The following CEBPZ variants were observed in gnomAD, a reference collection of about 807,000 sequenced individuals.
CEBPZ encodes CCAAT/enhancer-binding protein zeta.
A neutral mutation model predicts 104.5 loss-of-function variants in CEBPZ; 78 were observed. The observed-to-expected ratio is 0.75, with a 90% CI of 0.62 to 0.90. The LOEUF (loss-of-function observed/expected upper bound fraction) is 0.90. CEBPZ is among the 40% of genes least tolerant of loss of function. CEBPZ has a pLI of 0.00. For missense variants in CEBPZ, 1,439 were observed against 1,233.5 expected (o/e 1.17, Z -2.50); for synonymous variants, 470 against 427.0 (o/e 1.10, Z -1.24).
At chr2:37,216,716 GGAAA>G (rs1366951647) in intron 6 of CEBPZ, among the ~76,000 whole-genome samples, 1 of 152,132 alleles carries the variant, frequency 6.6e-6, no homozygotes, top group East Asian at 1.9e-4. Context: ...ACAGCAAATG[GGAAA>G]GTGAGGCAGT....
chr2:37,220,788 C>T (rs1486669308), intron 4 of CEBPZ, among the ~76,000 whole-genome samples: 2 of 151,950 alleles, frequency 1.3e-5, no homozygotes, highest in Non-Finnish European at 2.9e-5. Flanking sequence ...TTCAGGAGTT[C>T]GAGACCAGCC....
intron 13 of CEBPZ, among the ~76,000 whole-genome samples, chr2:37,207,659 A>G (rs1194208188): frequency 6.6e-6 from 1 of 152,194 alleles, no homozygotes; most frequent in Non-Finnish European, 1.5e-5. Context: ...GCGGCACTAC[A>G]TTTAGTAAGT....
chr2:37,218,952 A>G (rs147138515), intron 5 of CEBPZ, among the ~76,000 whole-genome samples: 325 of 152,348 alleles, frequency 2.1e-3, no homozygotes, highest in African/African-American at 7.1e-3. Context: ...ACATTTCGTT[A>G]TACTTTACCA....
chr2:37,216,775 G>A (rs929138895), intron 6 of CEBPZ, among the ~76,000 whole-genome samples: 2 of 152,304 alleles, frequency 1.3e-5, no homozygotes, highest in Admixed American at 6.5e-5. Context: ...AAATAACTGC[G>A]TGGCTTTCAA....
At chr2:37,220,155 A>G (rs915309512) in intron 5 of CEBPZ, among the ~76,000 whole-genome samples, 3 of 151,874 alleles carry the variant, frequency 2.0e-5, no homozygotes, top group Non-Finnish European at 4.4e-5. Context: ...CGTCTCTACT[A>G]AAAATACAAA....
At chr2:37,210,221 G>C (rs1677677132) in intron 13 of CEBPZ, 1 of 152,144 alleles carries the variant, frequency 6.6e-6, no homozygotes, top group African/African-American at 2.4e-5. Context: ...AGTATGGAGA[G>C]TCCTTAAAGA....
chr2:37,231,580 A>G lies in CEBPZ; in HGVS notation c.-13T>C, dbSNP rs2148370154. 2.5e-6 allele frequency: 4 copies of G among 1,614,222 alleles called. No homozygotes were observed. The highest frequency in any genetic ancestry group is 3.4e-6 in the Non-Finnish European group (4 of 1,180,034). ...TGACTGCGGCCATGGCGGGCAAAGC[A>G]TACGCGCGTGAAACTCAGCCTATTT... On this transcript the variant is annotated 5_prime_UTR_variant, in exon 1 of 16. It removes an upstream start codon present in the reference 5' UTR. Coordinates refer to ENST00000234170, the MANE Select transcript of CEBPZ (RefSeq NM_005760.3).
chr2:37,231,547 A>T lies in CEBPZ; in HGVS notation c.21T>A (p.Pro7=), dbSNP rs201743737. ...AAGGCCGCTTGGCATGGAACTCCAA[A>T]GGCTCCTTGACTGCGGCCATGGCGG... is the stretch of plus-strand genomic sequence containing the variant. MAAVKE[P]LEFHAKRPWR... The change falls in exon 1 of 16, where the codon CCT becomes CCA. Residue 7 remains proline, a synonymous_variant. Coordinates refer to ENST00000234170, the MANE Select transcript of CEBPZ (RefSeq NM_005760.3). The T allele has an allele frequency of 6.2e-7, 1 of 1,614,176 alleles. No homozygotes were observed. The highest frequency in any genetic ancestry group is 8.5e-7 in the Non-Finnish European group (1 of 1,180,016).
chr2:37,221,393 TG>T (rs1572505944), intron 4 of CEBPZ, among the ~76,000 whole-genome samples: 1 of 152,172 alleles, frequency 6.6e-6, no homozygotes, highest in East Asian at 1.9e-4. Flanking sequence ...GTGCCCATTT[TG>T]GGGCCAAAGA....
In CEBPZ at chr2:37,213,696, G is replaced by A. The variant is rs1677796856; in HGVS notation, c.2545+168C>T. The stretch of plus-strand genomic sequence containing the variant: ...GCCAAAGTGCTGGGATTACAGGTGT[G>A]AGCCACAGCGCCTGGCCCCAAATAT... On this transcript the variant is annotated intron_variant, in intron 10 of 15. Coordinates refer to ENST00000234170, the MANE Select transcript of CEBPZ (RefSeq NM_005760.3). 5.0e-5 allele frequency: 27 copies of A among 535,214 alleles called. 2 individuals carry two copies. Among genetic ancestry groups the A allele is most frequent in the South Asian group, 5.0e-4 (23 of 46,298 alleles). 33.2% of individuals were successfully genotyped at this position (535,214 alleles called of 1,614,324 possible). A position where few individuals can be genotyped will look rare whatever the true frequency, so the allele number is the denominator to read the frequency against.
chr2:37,211,614 TAAAGTA>T (rs1321580831), intron 12 of CEBPZ: 28 of 457,146 alleles, frequency 6.1e-5, no homozygotes, highest in African/African-American at 4.6e-4. Flanking sequence ...AGCTGCTGGT[TAAAGTA>T]AAAGTCCAAA....
At position 37,212,393 on chromosome 2, in the gene CEBPZ, C is replaced by T; in HGVS notation, c.2546-1G>A. 1 of 1,612,480 alleles carries T rather than the reference C, an allele frequency of 6.2e-7. No homozygotes were observed. Among genetic ancestry groups the T allele is most frequent in the South Asian group, 1.1e-5 (1 of 91,012 alleles). On this transcript the variant is annotated splice_acceptor_variant, in intron 10 of 15. Coordinates refer to ENST00000234170, the MANE Select transcript of CEBPZ (RefSeq NM_005760.3). LOFTEE classifies it high-confidence loss of function. ...AAACAGTTATCATCTTCAAATGTGT[C>T]TGCCAGACAATACAGAAATGTGAGA...
chr2:37,226,802 C>T (rs952390446), intron 2 of CEBPZ, among the ~76,000 whole-genome samples: 3 of 152,084 alleles, frequency 2.0e-5, no homozygotes, highest in African/African-American at 4.8e-5. Context: ...TTGCTATGTT[C>T]GACTGTCTCT....
At position 37,202,866 on chromosome 2, in the gene CEBPZ, CTT is replaced by C. The variant is rs1413493868; in HGVS notation, c.2944-3_2944-2del. ...TATTTTCATCCAATAGATGGCCAAA[CTT>C]TTAAACAAAAACGATAAATTTATTA... On this transcript the variant is annotated splice_acceptor_variant and splice_polypyrimidine_tract_variant and intron_variant, in intron 14 of 15. Coordinates refer to ENST00000234170, the MANE Select transcript of CEBPZ (RefSeq NM_005760.3). LOFTEE classifies it high-confidence loss of function. 6 of 1,598,272 alleles carry C rather than the reference CTT, an allele frequency of 3.8e-6. No homozygotes were observed. In the African/African-American group the frequency reaches 5.4e-5, roughly 14 times the overall value.
intron 5 of CEBPZ, 44 bp from the exon 6 acceptor site, chr2:37,217,081 C>G: frequency 6.7e-7 from 1 of 1,489,378 alleles, no homozygotes; most frequent in Non-Finnish European, 9.4e-7. Flanking sequence ...CTAAGGTCGA[C>G]TCTTAGTACA....
rs527993550 is a variant in CEBPZ, at chr2:37,220,450, C to T, written c.2089G>A (p.Asp697Asn). The change falls in exon 5 of 16, where the codon GAT becomes AAT. Residue 697 changes from aspartate to asparagine, a missense_variant. Coordinates refer to ENST00000234170, the MANE Select transcript of CEBPZ (RefSeq NM_005760.3). ...LKGGKQLNKY[D>N]PFSRNPLFCG... ...AACAGAGGGTTTCTACTGAATGGAT[C>T]GTATTTATTTAACTGTTTCCCACCT... 7 of 1,596,710 alleles carry T rather than the reference C, an allele frequency of 4.4e-6. No individual in the cohort carries two copies. Among genetic ancestry groups the T allele is most frequent in the East Asian group, 2.2e-5 (1 of 44,572 alleles).
intron 4 of CEBPZ, among the ~76,000 whole-genome samples, chr2:37,221,782 GC>G (rs2148358714): frequency 6.6e-6 from 1 of 152,286 alleles, no homozygotes; most frequent in Non-Finnish European, 1.5e-5. Context: ...CCCAAAGCAA[GC>G]TGAAGAAATG....
chr2:37,212,554 T>C, intron 10 of CEBPZ, 162 bp from the exon 11 acceptor site: 2 of 602,800 alleles, frequency 3.3e-6, no homozygotes, highest in Non-Finnish European at 5.8e-6. Flanking sequence ...TAATAATGTA[T>C]ACAAACCTGT....
rs767752998 is a variant in CEBPZ, at chr2:37,202,938, C to T, written c.2943+12G>A. 4 of 1,593,984 alleles carry T rather than the reference C, an allele frequency of 2.5e-6. No individual in the cohort carries two copies. Among genetic ancestry groups the T allele is most frequent in the Admixed American group, 1.8e-5 (1 of 57,098 alleles). On this transcript the variant is annotated intron_variant, in intron 14 of 15. Transcript: ENST00000234170. ...GAATAGCTAGCTTGTTAAAACAGTA[C>T]ATTAGCCTTACCTCTTCAGCAGATA...
Sources: allele counts gnomAD v4.1 joint callset (sites outside exome capture counted in the v4.1 genomes callset), GRCh38; gene constraint gnomAD v4.1.1; transcripts MANE v1.5; gene names NCBI Gene and HGNC (gene_info 2026-07-23, HGNC 2026-07-21).